The following FAM25A variants were observed in gnomAD, a reference collection of about 807,000 sequenced individuals.
The protein encoded by FAM25A is family with sequence similarity 25 member A, also known as protein FAM25A.
FAM25A carries 5 observed loss-of-function variants against 6.6 expected under a neutral mutation model. That is an observed-to-expected ratio of 0.75 (90% CI 0.39 to 1.59). The LOEUF (loss-of-function observed/expected upper bound fraction) is 1.59, where lower values mean the gene tolerates loss of function less well. Ranked by LOEUF, FAM25A falls within the 40% of genes most tolerant of loss-of-function variation. The probability of loss-of-function intolerance (pLI) is 0.02; values close to 1 mark genes in which losing one functional copy is unlikely to be tolerated. For synonymous variants in FAM25A, 36 were observed against 41.3 expected (o/e 0.87, Z 0.49); for missense variants, 93 against 109.7 (o/e 0.85, Z 0.68).
At chr10:87,021,716 T>A (rs1474796088) in intron 1 of FAM25A, among the ~76,000 whole-genome samples, 6 of 152,234 alleles carry the variant, frequency 3.9e-5, no homozygotes, top group Non-Finnish European at 7.3e-5. Context: ...AGGTGGAAGG[T>A]AGAGTTAGAA....
Position 87,023,009 on chromosome 10 carries a change from G to A in FAM25A, c.136+633G>A, listed in dbSNP as rs550804966. On this transcript the variant is annotated intron_variant, in intron 2 of 2. Coordinates refer to ENST00000343959, the MANE Select transcript of FAM25A (RefSeq NM_001146157.3). The stretch of plus-strand genomic sequence containing the variant: ...AGCACTTTGGGAGCCTGAGGTGGGC[G>A]GATCACGAGGTCAGGAGATCCAGAC... Among the ~76,000 whole-genome samples the A allele has an allele frequency of 3.3e-5, 5 of 150,862 alleles. No homozygotes were observed. In the East Asian group the frequency reaches 9.9e-4, roughly 30 times the overall value.
At chr10:87,023,860 G>A (rs1845354330) in intron 2 of FAM25A, among the ~76,000 whole-genome samples, 1 of 152,094 alleles carries the variant, frequency 6.6e-6, no homozygotes. Context: ...GTTCGTGGAT[G>A]GGCCCAGCTC....
chr10:87,023,470 T>C (rs553982749), intron 2 of FAM25A, among the ~76,000 whole-genome samples: 60 of 152,262 alleles, frequency 3.9e-4, no homozygotes, highest in Middle Eastern at 3.4e-3. Flanking sequence ...CCTGTAATCC[T>C]AGCCCTTCGG....
rs1406720952 is a variant in FAM25A at position 87,020,415 on chromosome 10, C to A, written c.73+18C>A. 1 of 1,548,776 alleles carries A rather than the reference C, an allele frequency of 6.5e-7. No homozygotes were observed. Among genetic ancestry groups the A allele is most frequent in the African/African-American group, 1.4e-5 (1 of 72,882 alleles). ...GGGAGCCAGTGAGGACCTGGGGCTC[C>A]TTTCTACCTGGGCTGGGGGGATCTG... On this transcript the variant is annotated intron_variant, in intron 1 of 2. Coordinates refer to ENST00000343959, the MANE Select transcript of FAM25A (RefSeq NM_001146157.3).
chr10:87,022,665 G>A (rs1252259606), intron 2 of FAM25A, among the ~76,000 whole-genome samples: 2 of 152,238 alleles, frequency 1.3e-5, no homozygotes, highest in Admixed American at 6.5e-5. Context: ...GGTGGCTCAC[G>A]CCTGTAATCC....
At position 87,024,710 on chromosome 10, in the gene FAM25A, T is replaced by G; in HGVS notation, c.*36T>G. On this transcript the variant is annotated 3_prime_UTR_variant, in exon 3 of 3. Coordinates refer to ENST00000343959, the MANE Select transcript of FAM25A (RefSeq NM_001146157.3). The stretch of plus-strand genomic sequence containing the variant: ...TACCACGGCCCTTCCCCAGTCTCAA[T>G]AAAAAGCCATGACATGTGTACATTG... 1 of 1,535,664 alleles carries G rather than the reference T, an allele frequency of 6.5e-7. No individual in the cohort carries two copies. Among genetic ancestry groups the G allele is most frequent in the Non-Finnish European group, 8.7e-7 (1 of 1,146,868 alleles).
At chr10:87,023,367 T>G (rs913558292) in intron 2 of FAM25A, among the ~76,000 whole-genome samples, 31 of 152,332 alleles carry the variant, frequency 2.0e-4, no homozygotes, top group African/African-American at 7.5e-4. Context: ...GGACTTAAAT[T>G]TACATAAATG....
intron 1 of FAM25A, among the ~76,000 whole-genome samples, chr10:87,020,764 G>T (rs1845323260): frequency 6.6e-6 from 1 of 152,222 alleles, no homozygotes; most frequent in Non-Finnish European, 1.5e-5. Context: ...AAGTCACCAA[G>T]TCTGTTCAAA....
At chr10:87,021,787 T>C (rs919869129) in intron 1 of FAM25A, among the ~76,000 whole-genome samples, 1 of 152,226 alleles carries the variant, frequency 6.6e-6, no homozygotes, top group African/African-American at 2.4e-5. Context: ...ACCTACACTT[T>C]AAAAAACTCT....
chr10:87,023,446 T>A (rs1682689357), intron 2 of FAM25A, among the ~76,000 whole-genome samples: 1 of 152,152 alleles, frequency 6.6e-6, no homozygotes, highest in Non-Finnish European at 1.5e-5. Flanking sequence ...ATAGGCCAGG[T>A]GCAGTGGCTC....
chr10:87,021,810 G>T (rs1047206215), intron 1 of FAM25A, among the ~76,000 whole-genome samples: 2 of 152,244 alleles, frequency 1.3e-5, no homozygotes, highest in African/African-American at 4.8e-5. Context: ...AGTAGGCAGA[G>T]AATTCCCTTT....
rs1429245325 is a variant in FAM25A, at chr10:87,020,396, C to T, written c.72C>T (p.Ala24=). ...GCACCGAGAAGGCCACCGAGGGAGCCAGTGAGGACCTGGGGCTCCTTTCTA... is the reference window on the plus strand; with the variant it reads ...GCACCGAGAAGGCCACCGAGGGAGCTAGTGAGGACCTGGGGCTCCTTTCTA... ...AHRTEKATEG[A]IHAVEEVVKE... The change falls in exon 1 of 3, where the codon GCC becomes GCT. Residue 24 remains alanine (A), a splice_region_variant and synonymous_variant. Transcript: ENST00000343959. 1 of 1,549,404 alleles carries T rather than the reference C, an allele frequency of 6.5e-7. No individual in the cohort carries two copies. Among genetic ancestry groups the T allele is most frequent in the Admixed American group, 2.0e-5 (1 of 50,994 alleles).
chr10:87,021,051 C>G (rs1263523776), intron 1 of FAM25A, among the ~76,000 whole-genome samples: 1 of 152,202 alleles, frequency 6.6e-6, no homozygotes, highest in Non-Finnish European at 1.5e-5. Flanking sequence ...TGGTCTCAAA[C>G]TCCTGACCTC....
intron 2 of FAM25A, among the ~76,000 whole-genome samples, chr10:87,023,511 A>C (rs558103921): frequency 1.3e-5 from 2 of 152,334 alleles, no homozygotes; most frequent in African/African-American, 2.4e-5. Context: ...ACCTGAGGTC[A>C]GGAGTTCAAG....
intron 1 of FAM25A, among the ~76,000 whole-genome samples, chr10:87,021,788 A>G (rs1845331113): frequency 6.6e-6 from 1 of 152,238 alleles, no homozygotes; most frequent in South Asian, 2.1e-4. Flanking sequence ...CCTACACTTT[A>G]AAAAACTCTG....
At chr10:87,023,412 C>T (rs1845348553) in intron 2 of FAM25A, among the ~76,000 whole-genome samples, 2 of 152,030 alleles carry the variant, frequency 1.3e-5, no homozygotes, top group African/African-American at 4.8e-5. Flanking sequence ...ACCATCTTAG[C>T]TCAGGCTGCT....
chr10:87,022,272 T>C (rs768664083), intron 1 of FAM25A, 42 bp from the exon 2 acceptor site: 112 of 1,546,716 alleles, frequency 7.2e-5, no homozygotes, highest in Admixed American at 5.9e-5. Flanking sequence ...GGGCAGCGGC[T>C]CTGCTCTGAG....
intron 2 of FAM25A, among the ~76,000 whole-genome samples, chr10:87,023,383 A>G (rs1818592772): frequency 6.6e-6 from 1 of 152,208 alleles, no homozygotes; most frequent in South Asian, 2.1e-4. Flanking sequence ...AAATGAATTT[A>G]TTAACTTACT....
intron 2 of FAM25A, among the ~76,000 whole-genome samples, chr10:87,023,145 C>T (rs1266579737): frequency 3.5e-5 from 5 of 144,350 alleles, no homozygotes; most frequent in Admixed American, 6.9e-5. Context: ...GGCGTGAACC[C>T]GGAAGGCGGA....
Sources: allele counts gnomAD v4.1 joint callset (sites outside exome capture counted in the v4.1 genomes callset), GRCh38; gene constraint gnomAD v4.1.1; transcripts MANE v1.5; gene names NCBI Gene and HGNC (gene_info 2026-07-23, HGNC 2026-07-21).